Variants in AHCY observed in about 807,000 individuals in gnomAD.
AHCY encodes the protein adenosylhomocysteinase.
Under a neutral mutation model 45.4 loss-of-function variants are expected in AHCY, and 24 were observed. The observed-to-expected ratio is 0.53, with a 90% CI of 0.38 to 0.74. The LOEUF (loss-of-function observed/expected upper bound fraction) is 0.74. Ranked by LOEUF, AHCY falls within the 30% of genes least tolerant of loss-of-function variation. AHCY has a pLI of 0.00. For missense variants in AHCY, 449 were observed against 594.1 expected (o/e 0.76, Z 2.54); for synonymous variants, 245 against 235.1 (o/e 1.04, Z -0.39).
chr20:34,293,185 G>C (rs1224127659), intron 3 of AHCY, among the ~76,000 whole-genome samples: 2 of 152,112 alleles, frequency 1.3e-5, no homozygotes, highest in African/African-American at 4.8e-5. Flanking sequence ...CAGATGCCCA[G>C]AGAGGAGCTA....
At chr20:34,258,833 T>G in the AHCY span, among the ~76,000 whole-genome samples, 17 of 120,742 alleles carry the variant, frequency 1.4e-4, no homozygotes, top group Non-Finnish European at 2.3e-4. Flanking sequence ...TATATAGTAT[T>G]ATATATATAG....
At chr20:34,306,619 T>C (rs776242974), upstream of AHCY, among the ~76,000 whole-genome samples, 1 of 152,194 alleles carries the variant, frequency 6.6e-6, no homozygotes, top group Non-Finnish European at 1.5e-5. Context: ...TCCTCCCGCC[T>C]TGGCCTTCCA....
chr20:34,245,815 G>A, the AHCY span: 6,978 of 783,482 alleles, frequency 8.9e-3, 34 homozygotes, highest in Middle Eastern at 0.011. Flanking sequence ...TGCCAAGGAC[G>A]AGGGCAGTCT....
intron 1 of AHCY, among the ~76,000 whole-genome samples, chr20:34,295,964 G>A (rs2036566320): frequency 6.6e-6 from 1 of 151,882 alleles, no homozygotes; most frequent in Non-Finnish European, 1.5e-5. Flanking sequence ...GATGTTAGCT[G>A]CTGGTTCTCC....
At chr20:34,275,131 C>CTTTTTTT in the AHCY span, among the ~76,000 whole-genome samples, 1 of 99,450 alleles carries the variant, frequency 1.0e-5, no homozygotes. Flanking sequence ...TCTCTATTTT[C>CTTTTTTT]TTTTTTTTTT....
At chr20:34,258,426 T>G in the AHCY span, among the ~76,000 whole-genome samples, 2 of 150,004 alleles carry the variant, frequency 1.3e-5, no homozygotes, top group Non-Finnish European at 3.0e-5. Context: ...ATATGAAATG[T>G]GAGAAGGGCA....
downstream of AHCY, among the ~76,000 whole-genome samples, chr20:34,279,238 C>G (rs2035941456): frequency 6.6e-6 from 1 of 150,468 alleles, no homozygotes; most frequent in Middle Eastern, 3.4e-3. Flanking sequence ...CATGGTGAAA[C>G]CCCATCTCTA....
At chr20:34,234,635 C>G in the AHCY span, among the ~76,000 whole-genome samples, 2 of 152,174 alleles carry the variant, frequency 1.3e-5, no homozygotes, top group East Asian at 3.9e-4. Flanking sequence ...AACCCCATCT[C>G]TACTAAAAAT....
At chr20:34,237,293 G>T in the AHCY span, among the ~76,000 whole-genome samples, 26 of 152,064 alleles carry the variant, frequency 1.7e-4, no homozygotes, top group African/African-American at 6.0e-4. Flanking sequence ...ATTTTGTTAG[G>T]AATTGTATTG....
chr20:34,307,066 C>T (rs556469996), upstream of AHCY, among the ~76,000 whole-genome samples: 7 of 151,968 alleles, frequency 4.6e-5, no homozygotes, highest in East Asian at 1.9e-4. Context: ...TGGGAGAAAG[C>T]GAGCAAAGGG....
At chr20:34,288,360 C>T (rs1413993757) in intron 8 of AHCY, among the ~76,000 whole-genome samples, 1 of 152,158 alleles carries the variant, frequency 6.6e-6, no homozygotes, top group Non-Finnish European at 1.5e-5. Flanking sequence ...CTCAAAGAAC[C>T]TCACATAGGT....
the AHCY span, among the ~76,000 whole-genome samples, chr20:34,270,609 C>G: frequency 2.6e-5 from 4 of 152,210 alleles, no homozygotes; most frequent in Non-Finnish European, 5.9e-5. Context: ...CTGCTGGGTC[C>G]AGACAACCAC....
At chr20:34,282,068 C>T (rs963944535) in intron 9 of AHCY, among the ~76,000 whole-genome samples, 1 of 152,160 alleles carries the variant, frequency 6.6e-6, no homozygotes, top group Non-Finnish European at 1.5e-5. Context: ...CTTTGATACT[C>T]CTTTAAGAAT....
chr20:34,302,530 ATAGAGCCAT>A, intron 1 of AHCY: 3 of 842,364 alleles, frequency 3.6e-6, no homozygotes, highest in Non-Finnish European at 4.3e-6. Context: ...CAGTTTCCCT[ATAGAGCCAT>A]GAGACTAGAA....
chr20:34,232,280 C>T, the AHCY span, among the ~76,000 whole-genome samples: 1 of 152,192 alleles, frequency 6.6e-6, no homozygotes, highest in Admixed American at 6.5e-5. Flanking sequence ...ACCTTACATT[C>T]TTGGTATACT....
chr20:34,236,258 G>A, the AHCY span, among the ~76,000 whole-genome samples: 2 of 152,196 alleles, frequency 1.3e-5, no homozygotes, highest in Non-Finnish European at 2.9e-5. Context: ...TCATGGCCAT[G>A]GCTGGGCGCA....
At chr20:34,233,208 T>C in the AHCY span, among the ~76,000 whole-genome samples, 3 of 146,090 alleles carry the variant, frequency 2.1e-5, no homozygotes, top group Non-Finnish European at 4.4e-5. Flanking sequence ...AGTACAATGG[T>C]GTGATCTCAG....
chr20:34,295,685 C>T (rs2036557642), intron 1 of AHCY, 100 bp from the exon 2 acceptor site: 2 of 1,221,442 alleles, frequency 1.6e-6, no homozygotes, highest in Admixed American at 3.9e-5. Context: ...GGACTCAACA[C>T]ACTAGGGCTT....
chr20:34,279,153 G>A (rs1208408509), downstream of AHCY, among the ~76,000 whole-genome samples: 2 of 144,018 alleles, frequency 1.4e-5, no homozygotes, highest in Non-Finnish European at 3.0e-5. Flanking sequence ...GGTGGCTCAC[G>A]CTTCTAATCC....
Sources: gnomAD v4.1 joint callset for allele counts (sites outside exome capture counted in the v4.1 genomes callset) on GRCh38, gnomAD v4.1.1 for gene constraint, MANE v1.5 for transcripts, NCBI Gene and HGNC (gene_info 2026-07-23, HGNC 2026-07-21) for gene names.